ADARB2: variants seen among roughly 807,000 people sequenced by gnomAD.
ADARB2 encodes the protein inactive double-stranded RNA-specific editase B2.
Under a neutral mutation model 62.2 loss-of-function variants are expected in ADARB2, and 25 were observed. That is an observed-to-expected ratio of 0.40 (90% CI 0.29 to 0.56). The LOEUF is 0.56. Ranked by LOEUF, ADARB2 falls within the 20% of genes least tolerant of loss-of-function variation. The pLI is 0.43. For missense variants in ADARB2, 1,071 were observed against 1,077.4 expected (o/e 0.99, Z 0.08); for synonymous variants, 572 against 500.8 (o/e 1.14, Z -1.90).
chr10:1,570,635 C>A (rs1832922486), intron 1 of ADARB2, among the ~76,000 whole-genome samples: 1 of 152,216 alleles, frequency 6.6e-6, no homozygotes, highest in Non-Finnish European at 1.5e-5. Flanking sequence ...TGGCCTGTCA[C>A]AGCAGTGGGT....
chr10:1,220,203 A>G (rs1380637352), intron 6 of ADARB2, among the ~76,000 whole-genome samples: 427 of 64,168 alleles, frequency 6.7e-3, no homozygotes, highest in Middle Eastern at 0.031. Flanking sequence ...TGATGATGGT[A>G]ATGGTGGTGA....
In ADARB2 at chr10:1,281,727, C is replaced by T. The variant is rs544050288; in HGVS notation, c.1078-10658G>A. ...CACTAGGTTCCTGGGTGACTGCTCT[C>T]GCTACACTCCTAAGCCCAGGAAACT... On this transcript the variant is annotated intron_variant, in intron 3 of 9. Transcript: ENST00000381312. 9.2e-5 allele frequency among the ~76,000 whole-genome samples: 14 copies of T among 152,302 alleles called. 1 individual carries two copies. In the South Asian group the frequency reaches 2.7e-3, roughly 29 times the overall value.
intron 4 of ADARB2, among the ~76,000 whole-genome samples, chr10:1,269,465 G>A (rs760217328): frequency 6.6e-6 from 1 of 152,154 alleles, no homozygotes; most frequent in Non-Finnish European, 1.5e-5. Flanking sequence ...CATGGTACTT[G>A]CCATGGGCTA....
intron 3 of ADARB2, among the ~76,000 whole-genome samples, chr10:1,280,381 C>A (rs562611028): frequency 1.9e-4 from 29 of 152,356 alleles, no homozygotes; most frequent in African/African-American, 6.7e-4. Flanking sequence ...CTCTGCCCCT[C>A]ATAGGCTTTA....
intron 1 of ADARB2, among the ~76,000 whole-genome samples, chr10:1,557,296 C>G (rs550920991): frequency 9.1e-4 from 138 of 152,234 alleles, no homozygotes; most frequent in African/African-American, 3.2e-3. Context: ...CCTCCTCTGT[C>G]AAGTGCACCT....
intron 1 of ADARB2, among the ~76,000 whole-genome samples, chr10:1,585,878 C>T (rs1314059547): frequency 1.3e-5 from 2 of 152,046 alleles, no homozygotes; most frequent in Non-Finnish European, 2.9e-5. Flanking sequence ...ACTAAAAATA[C>T]AAAAAACTGG....
intron 2 of ADARB2, among the ~76,000 whole-genome samples, chr10:1,372,517 T>C (rs1832382108): frequency 6.6e-6 from 1 of 152,120 alleles, no homozygotes; most frequent in South Asian, 2.1e-4. Context: ...TTGCAGGCCC[T>C]CAGAACACAT....
chr10:1,707,508 C>G (rs765432039), intron 1 of ADARB2, among the ~76,000 whole-genome samples: 2 of 152,224 alleles, frequency 1.3e-5, no homozygotes, highest in Non-Finnish European at 2.9e-5. Context: ...TTTGAGACGT[C>G]CTGATGCGGA....
chr10:1,681,694 C>A (rs1369462280), intron 1 of ADARB2, among the ~76,000 whole-genome samples: 1 of 152,148 alleles, frequency 6.6e-6, no homozygotes, highest in Non-Finnish European at 1.5e-5. Flanking sequence ...CTCAGAGACC[C>A]TGTGGCTGCA....
chr10:1,717,954 G>A (rs1835042678), intron 1 of ADARB2, among the ~76,000 whole-genome samples: 1 of 152,044 alleles, frequency 6.6e-6, no homozygotes, highest in Admixed American at 6.5e-5. Context: ...TTTTAAACAT[G>A]TATTAAATGC....
At chr10:1,200,334 G>T (rs377075115) in intron 7 of ADARB2, 187 bp from the exon 8 acceptor site, 26 of 742,716 alleles carry the variant, frequency 3.5e-5, no homozygotes, top group East Asian at 3.0e-4. Flanking sequence ...ACTGTTGCCT[G>T]GGACTGGGCT....
chr10:1,696,389 A>G (rs1411764810), intron 1 of ADARB2, among the ~76,000 whole-genome samples: 5 of 151,568 alleles, frequency 3.3e-5, no homozygotes, highest in Non-Finnish European at 7.3e-5. Flanking sequence ...CAGATTTTAT[A>G]TGGAAATACA....
chr10:1,224,565 T>C (rs1185003814), intron 6 of ADARB2, among the ~76,000 whole-genome samples: 5 of 152,158 alleles, frequency 3.3e-5, no homozygotes, highest in Non-Finnish European at 2.9e-5. Flanking sequence ...GGGCATTTAG[T>C]GCTATAAATT....
At chr10:1,272,726 G>T (rs1466736513) in intron 3 of ADARB2, among the ~76,000 whole-genome samples, 1 of 152,238 alleles carries the variant, frequency 6.6e-6, no homozygotes, top group Non-Finnish European at 1.5e-5. Context: ...GCTGCTCCCA[G>T]CTGTCCTGTC....
chr10:1,705,686 A>G (rs1316665085), intron 1 of ADARB2, among the ~76,000 whole-genome samples: 1 of 152,166 alleles, frequency 6.6e-6, no homozygotes, highest in African/African-American at 2.4e-5. Flanking sequence ...CCATCAGATG[A>G]TTTTACTGTC....
At chr10:1,580,201 G>C (rs1057393534) in intron 1 of ADARB2, among the ~76,000 whole-genome samples, 2 of 152,166 alleles carry the variant, frequency 1.3e-5, no homozygotes, top group African/African-American at 4.8e-5. Context: ...TTGGTGTACA[G>C]ATTATTTCAC....
intron 1 of ADARB2, among the ~76,000 whole-genome samples, chr10:1,419,096 C>A (rs1832831235): frequency 8.2e-6 from 1 of 121,354 alleles, no homozygotes; most frequent in Non-Finnish European, 1.6e-5. Context: ...AGTGATGTGT[C>A]TTTTTTTTCT....
intron 3 of ADARB2, among the ~76,000 whole-genome samples, chr10:1,301,564 C>CTG (rs60167546): frequency 0.47 from 70,592 of 151,776 alleles, 17,923 homozygotes; most frequent in East Asian, 0.8. Flanking sequence ...TCTCTTCTCT[C>CTG]TCTCTCTCTG....
chr10:1,566,203 C>A (rs939604027), intron 1 of ADARB2, among the ~76,000 whole-genome samples: 1 of 151,320 alleles, frequency 6.6e-6, no homozygotes, highest in Non-Finnish European at 1.5e-5. Flanking sequence ...CTTTCACTGT[C>A]ATGTCACATA....
Sources: gnomAD v4.1 joint callset for allele counts (sites outside exome capture counted in the v4.1 genomes callset) on GRCh38, gnomAD v4.1.1 for gene constraint, MANE v1.5 for transcripts, NCBI Gene and HGNC (gene_info 2026-07-23, HGNC 2026-07-21) for gene names.